The following MTMR10 variants were observed in gnomAD, a reference collection of about 807,000 sequenced individuals.
MTMR10 encodes myotubularin related protein 10, also known as myotubularin-related protein 10.
MTMR10 carries 56 observed loss-of-function variants against 88.1 expected under a neutral mutation model. The ratio of observed to expected loss-of-function variants is 0.64; its 90% CI spans 0.51 to 0.79. The LOEUF (loss-of-function observed/expected upper bound fraction) is 0.79. Among genes scored for constraint, MTMR10 ranks in the 30% least tolerant of loss-of-function variants. MTMR10 has a pLI of 0.00. For missense variants in MTMR10, 883 were observed against 924.7 expected (o/e 0.95, Z 0.58); for synonymous variants, 380 against 340.9 (o/e 1.11, Z -1.26).
intron 2 of MTMR10, among the ~76,000 whole-genome samples, chr15:30,983,115 C>T (rs961020760): frequency 3.3e-5 from 5 of 152,312 alleles, no homozygotes; most frequent in East Asian, 1.9e-4. Context: ...GTGCTAGAGA[C>T]GGCTGGCTGG....
intron 15 of MTMR10, 183 bp downstream of exon 15, chr15:30,942,707 G>C (rs2063094788): frequency 3.4e-6 from 2 of 596,326 alleles, no homozygotes; most frequent in Non-Finnish European, 5.5e-6. Context: ...GACTTTGTGG[G>C]CCTCAGACAC....
chr15:30,943,701 C>T (rs17815654), intron 14 of MTMR10: 44,757 of 985,234 alleles, frequency 0.045, 1,121 homozygotes, highest in Middle Eastern at 0.052. Context: ...GGACTCTGGG[C>T]GGGTGCAGCC....
chr15:30,947,129 C>A lies in MTMR10; in HGVS notation c.1548+1G>T. On this transcript the variant is annotated splice_donor_variant, in intron 14 of 15. Transcript: ENST00000435680. LOFTEE classifies it high-confidence loss of function. Reference sequence around the variant, plus strand: ...GTAGCCACAGCCACAGGGTTGCTTACCGTGCTTTGCTTCACTCGCTGGTGA... The same window carrying A: ...GTAGCCACAGCCACAGGGTTGCTTAACGTGCTTTGCTTCACTCGCTGGTGA... 2 of 1,598,998 alleles carry A rather than the reference C, an allele frequency of 1.3e-6. No individual in the cohort carries two copies. Among genetic ancestry groups the A allele is most frequent in the Non-Finnish European group, 1.7e-6 (2 of 1,173,906 alleles).
intron 9 of MTMR10, among the ~76,000 whole-genome samples, chr15:30,957,460 C>T (rs1195367858): frequency 1.3e-5 from 2 of 152,180 alleles, no homozygotes; most frequent in African/African-American, 4.8e-5. Flanking sequence ...CAGTGGCTCA[C>T]GCCTGTAATC....
At chr15:30,966,183 A>G in intron 6 of MTMR10, 1 of 328,344 alleles carries the variant, frequency 3.0e-6, no homozygotes, top group East Asian at 8.1e-5. Context: ...GAATATTTTC[A>G]GTATTAATCA....
At chr15:30,935,439 G>A (rs566193568), downstream of MTMR10, among the ~76,000 whole-genome samples, 19 of 151,842 alleles carry the variant, frequency 1.3e-4, no homozygotes, top group Admixed American at 5.2e-4. Context: ...GAAAGTATTT[G>A]GAAAAAAGAA....
chr15:30,967,382 C>G lies in MTMR10; in HGVS notation c.565+538G>C, dbSNP rs181765379. ...ATATATAGACAAAACTATTTACTTT[C>G]ACAAAAGCTGTCTAGAATATACTTG... On this transcript the variant is annotated intron_variant, in intron 6 of 15. Coordinates refer to ENST00000435680, the MANE Select transcript of MTMR10 (RefSeq NM_017762.3). Among the ~76,000 whole-genome samples the G allele has an allele frequency of 1.1e-3, 172 of 152,274 alleles. 4 individuals are homozygous for G. Among genetic ancestry groups the G allele is most frequent in the Non-Finnish European group, 1.5e-4 (10 of 67,994 alleles).
At chr15:30,977,738 C>A (rs188746212) in intron 2 of MTMR10, among the ~76,000 whole-genome samples, 1 of 152,252 alleles carries the variant, frequency 6.6e-6, no homozygotes, top group East Asian at 1.9e-4. Context: ...AACCTTTAGC[C>A]CGATAGAATG....
At chr15:30,922,198 T>A in the MTMR10 span, 1 of 1,592,042 alleles carries the variant, frequency 6.3e-7, no homozygotes, top group Admixed American at 1.9e-5. Flanking sequence ...GGATTTTTTG[T>A]GAATCTAATG....
intron 14 of MTMR10, chr15:30,943,996 T>C (rs1220340990): frequency 1.0e-6 from 1 of 985,238 alleles, no homozygotes; most frequent in Admixed American, 6.1e-5. Context: ...GTTCTGTACC[T>C]TTCAGTACTC....
chr15:30,940,690 A>T lies in MTMR10; in HGVS notation c.*780T>A. ...CCCCAGTGGCTTTCAGAGGAACAAG[A>T]CTCTGGGGACTCCTGGCTATGAAGC... is the stretch of plus-strand genomic sequence containing the variant. On this transcript the variant is annotated 3_prime_UTR_variant, in exon 16 of 16. Coordinates refer to ENST00000435680, the MANE Select transcript of MTMR10 (RefSeq NM_017762.3). 1 of 987,992 alleles carries T rather than the reference A, an allele frequency of 1.0e-6. No individual in the cohort carries two copies. Among genetic ancestry groups the T allele is most frequent in the South Asian group, 4.7e-5 (1 of 21,444 alleles). 61.2% of individuals were successfully genotyped at this position (987,992 alleles called of 1,614,324 possible). A position where few individuals can be genotyped will look rare whatever the true frequency, so the allele number is the denominator to read the frequency against.
At chr15:30,953,092 A>G (rs2063273529) in intron 11 of MTMR10, among the ~76,000 whole-genome samples, 1 of 152,162 alleles carries the variant, frequency 6.6e-6, no homozygotes. Flanking sequence ...GCCTGGCCTC[A>G]TTTTGTACTT....
intron 3 of MTMR10, among the ~76,000 whole-genome samples, chr15:30,976,096 C>CT (rs1296634047): frequency 7.0e-6 from 1 of 143,710 alleles, no homozygotes; most frequent in Non-Finnish European, 1.5e-5. Flanking sequence ...GAAAATAACA[C>CT]TAATTAGTTT....
chr15:30,977,758 A>C (rs2030267979), intron 2 of MTMR10, among the ~76,000 whole-genome samples: 1 of 152,220 alleles, frequency 6.6e-6, no homozygotes, highest in Non-Finnish European at 1.5e-5. Flanking sequence ...GTTTGCTGAC[A>C]AACTCCAAAC....
At chr15:30,929,288 C>T in the MTMR10 span, 3 of 1,613,158 alleles carry the variant, frequency 1.9e-6, no homozygotes, top group East Asian at 2.2e-5. Flanking sequence ...ATTCATGATG[C>T]CCCCGAGGAG....
intron 5 of MTMR10, among the ~76,000 whole-genome samples, chr15:30,969,972 T>G (rs952256077): frequency 2.8e-4 from 43 of 152,144 alleles, no homozygotes; most frequent in Non-Finnish European, 1.3e-4. Flanking sequence ...GGAGCCAATT[T>G]CAGAGTACTA....
At chr15:30,952,469 A>G (rs1371921681) in intron 11 of MTMR10, among the ~76,000 whole-genome samples, 1 of 152,138 alleles carries the variant, frequency 6.6e-6, no homozygotes, top group East Asian at 1.9e-4. Context: ...GCCTCAAGTG[A>G]TCCTCCTGCC....
the MTMR10 span, chr15:30,928,922 C>A: frequency 4.4e-6 from 2 of 456,454 alleles, no homozygotes; most frequent in Non-Finnish European, 2.9e-6. Context: ...CCCTCCCGAG[C>A]ACCTGCCGTG....
intron 6 of MTMR10, among the ~76,000 whole-genome samples, chr15:30,966,540 C>T (rs945802283): frequency 6.6e-6 from 1 of 152,180 alleles, no homozygotes; most frequent in Non-Finnish European, 1.5e-5. Context: ...ACTCCTACAA[C>T]CCTTGCAACT....
Sources: allele counts gnomAD v4.1 joint callset (sites outside exome capture counted in the v4.1 genomes callset), GRCh38; gene constraint gnomAD v4.1.1; transcripts MANE v1.5; gene names NCBI Gene and HGNC (gene_info 2026-07-23, HGNC 2026-07-21).